SLC9A3: variants seen among roughly 807,000 people sequenced by gnomAD.
The protein encoded by SLC9A3 is sodium/hydrogen exchanger 3.
Under a neutral mutation model 86.8 loss-of-function variants are expected in SLC9A3, and 37 were observed. The observed-to-expected ratio is 0.43, with a 90% CI of 0.33 to 0.56. The LOEUF (loss-of-function observed/expected upper bound fraction) is 0.56, where lower values mean the gene tolerates loss of function less well. Ranked by LOEUF, SLC9A3 falls within the 20% of genes least tolerant of loss-of-function variation. The pLI, the probability that SLC9A3 is intolerant of heterozygous loss-of-function variation, is 0.06. For missense variants in SLC9A3, 1,011 were observed against 1,171.9 expected (o/e 0.86, Z 2.00); for synonymous variants, 581 against 528.3 (o/e 1.10, Z -1.37).
chr5:510,892 C>G (rs575713401), intron 1 of SLC9A3, among the ~76,000 whole-genome samples: 43 of 152,374 alleles, frequency 2.8e-4, no homozygotes, highest in South Asian at 2.5e-3. Context: ...GTGGCTCCCA[C>G]TGTCTCATAG....
rs1234193821 is a variant in SLC9A3 at position 496,236 on chromosome 5, G to A, written c.212-4165C>T. ...CTTTCCCATGTGCGGTGGCGTCCGA[G>A]GGCAGCTCCTGCAGTCTTCAGGGTG... On this transcript the variant is annotated intron_variant, in intron 1 of 16. Transcript: ENST00000264938. This position sits in a 1 kb window ranked among gnomAD's most constrained non-coding sequence, Gnocchi z 4.7. Among the ~76,000 whole-genome samples the A allele has an allele frequency of 6.6e-6, 1 of 152,140 alleles. No individual in the cohort carries two copies. Among genetic ancestry groups the A allele is most frequent in the African/African-American group, 2.4e-5 (1 of 41,456 alleles).
At chr5:488,182 GACGGGAC>G in intron 3 of SLC9A3, 127 bp downstream of exon 3, 1 of 920,216 alleles carries the variant, frequency 1.1e-6, no homozygotes, top group Non-Finnish European at 1.7e-6. Flanking sequence ...GAGGTGGAGG[GACGGGAC>G]GCCCCCGGGA....
At position 476,562 on chromosome 5, in the gene SLC9A3, A is replaced by G; in HGVS notation, c.1871T>C (p.Leu624Pro). The G allele has an allele frequency of 6.2e-7, 1 of 1,611,388 alleles. No individual in the cohort carries two copies. The highest frequency in any genetic ancestry group is 8.5e-7 in the Non-Finnish European group (1 of 1,179,836). Residue 624 changes from leucine (L) to proline (P), a missense_variant, in exon 12 of 17, where the codon CTG becomes CCG. Physicochemically the swap from Leu to Pro is moderately conservative, Grantham distance 98. Coordinates refer to ENST00000264938, the MANE Select transcript of SLC9A3 (RefSeq NM_004174.4). ...MVTHHTLQQYLYKPRQEYKHL... is the reference protein window; with the variant it reads ...MVTHHTLQQYPYKPRQEYKHL... ...GCCCACCTCCTGCCGCGGCTTGTAC[A>G]GGTACTGCTGTAGCGTGTGGTGCGT...
intron 1 of SLC9A3, among the ~76,000 whole-genome samples, chr5:495,162 C>T (rs1262135515): frequency 6.6e-6 from 1 of 152,048 alleles, no homozygotes; most frequent in Non-Finnish European, 1.5e-5. Flanking sequence ...TGGACGCCCT[C>T]ACCCTTGGTG....
At chr5:499,146 C>T (rs577498175) in intron 1 of SLC9A3, among the ~76,000 whole-genome samples, 29 of 152,384 alleles carry the variant, frequency 1.9e-4, no homozygotes, top group African/African-American at 5.3e-4. Context: ...CTGCTCCACA[C>T]GGCTTTTCCC....
rs142560041 is a variant in SLC9A3, at chr5:485,174, C to T, written c.733G>A (p.Val245Met). The T allele has an allele frequency of 1.9e-5, 30 of 1,613,822 alleles. No individual in the cohort carries two copies. Among genetic ancestry groups the T allele is most frequent in the African/African-American group, 1.7e-4 (13 of 75,056 alleles). ...ACACCTATGCCCTTCACGCAGTCCA[C>T]GCCAGTCACGTTGTCACCTCCCAGC... ...VALGGDNVTG[V>M]DCVKGIVSFF... The change falls in exon 4 of 17, where the codon GTG (valine) becomes ATG (methionine). Residue 245 changes from valine to methionine, a missense_variant. By Grantham distance (21) the Val-to-Met change is conservative. Around this residue, in one of 3 missense-constraint regions of SLC9A3, gnomAD observed 565 missense variants for 790.0 expected, o/e 0.72. Coordinates refer to ENST00000264938, the MANE Select transcript of SLC9A3 (RefSeq NM_004174.4).
chr5:477,472 G>A (rs775418423), intron 10 of SLC9A3, 28 bp from the exon 11 acceptor site: 1 of 1,545,322 alleles, frequency 6.5e-7, no homozygotes, highest in Non-Finnish European at 8.9e-7. Flanking sequence ...CCCGGTCAGT[G>A]GCCTGAGCAG....
rs1035764759 is a variant in SLC9A3 at position 471,893 on chromosome 5, C to G, written c.*1486G>C. 4.4e-6 allele frequency: 2 copies of G among 456,494 alleles called. No homozygotes were observed. The highest frequency in any genetic ancestry group is 8.8e-6 in the Non-Finnish European group (2 of 226,938). The allele number at this position is 456,494 out of a possible 1,614,324, so 28.3% of individuals were successfully genotyped here. On this transcript the variant is annotated 3_prime_UTR_variant, in exon 17 of 17. Coordinates refer to ENST00000264938, the MANE Select transcript of SLC9A3 (RefSeq NM_004174.4). ...TTTCCCACCAGGGACTCAATGGGGA[C>G]TCAATGTGCAATATTCAGTCAACAT...
chr5:504,875 G>A (rs866566428), intron 1 of SLC9A3, among the ~76,000 whole-genome samples: 96 of 152,224 alleles, frequency 6.3e-4, no homozygotes, highest in South Asian at 1.7e-3. Context: ...CTCACACCTC[G>A]GCTAGCAAAG....
intron 1 of SLC9A3, among the ~76,000 whole-genome samples, chr5:499,412 C>G (rs1175534764): frequency 6.6e-6 from 1 of 152,252 alleles, no homozygotes; most frequent in Non-Finnish European, 1.5e-5. Flanking sequence ...CAGCCGGGGC[C>G]ACCCCGCTTT....
At chr5:488,545 C>T (rs528658770) in intron 2 of SLC9A3, 69 bp from the exon 3 acceptor site, 43 of 1,416,478 alleles carry the variant, frequency 3.0e-5, no homozygotes, top group South Asian at 2.6e-4. Context: ...CCTGGGGAGG[C>T]GCTCGCCTAC....
chr5:490,772 T>C (rs188023290), intron 2 of SLC9A3, among the ~76,000 whole-genome samples: 110 of 152,334 alleles, frequency 7.2e-4, no homozygotes, highest in African/African-American at 2.4e-3. Flanking sequence ...CCTGACCACC[T>C]ATGGCATCGC....
Position 511,857 on chromosome 5 carries a change from A to C in SLC9A3, c.211+12255T>G, listed in dbSNP as rs551901869. ...TAGCAGCTTTATTCATAATCACCAAAATCACCTGGAAGCAGCTGAGATGTC... is the reference window on the plus strand; with the variant it reads ...TAGCAGCTTTATTCATAATCACCAACATCACCTGGAAGCAGCTGAGATGTC... On this transcript the variant is annotated intron_variant, in intron 1 of 16. Transcript: ENST00000264938. 2.6e-5 allele frequency among the ~76,000 whole-genome samples: 4 copies of C among 152,348 alleles called. No individual in the cohort carries two copies. The South Asian group carries it at 8.3e-4, about 32-fold the overall frequency.
At chr5:476,794 AT>A (rs1256215376) in intron 11 of SLC9A3, 122 bp from the exon 12 acceptor site, 1 of 1,247,084 alleles carries the variant, frequency 8.0e-7, no homozygotes, top group Non-Finnish European at 1.1e-6. Context: ...TCGCCTTCCC[AT>A]GGTGGGCACC....
Position 482,667 on chromosome 5 carries a change from C to T in SLC9A3, c.1237G>A (p.Gly413Ser). ...GCAAAGGCCACGGCCCCGCGCAGGC[C>T]CCCGTAGGACAGGACCACCTGGTCA... ...PIDQVVLSYG[G>S]LRGAVAFALV... Residue 413 changes from glycine to serine, a missense_variant, in exon 7 of 17, where the codon GGC (glycine) becomes AGC (serine). Coordinates refer to ENST00000264938, the MANE Select transcript of SLC9A3 (RefSeq NM_004174.4). 1 of 1,612,580 alleles carries T rather than the reference C, an allele frequency of 6.2e-7. No individual in the cohort carries two copies. The highest frequency in any genetic ancestry group is 8.5e-7 in the Non-Finnish European group (1 of 1,179,854).
chr5:490,987 T>C (rs1739707495), intron 2 of SLC9A3, among the ~76,000 whole-genome samples: 1 of 152,222 alleles, frequency 6.6e-6, no homozygotes, highest in Non-Finnish European at 1.5e-5. Context: ...AGCCCCTTGA[T>C]TCCCATGGAG....
chr5:498,746 G>A (rs1469549848), intron 1 of SLC9A3, among the ~76,000 whole-genome samples: 1 of 152,230 alleles, frequency 6.6e-6, no homozygotes, highest in Admixed American at 6.5e-5. Flanking sequence ...GGAAGGTTCT[G>A]TGGACATTCT....
chr5:515,754 C>T (rs140267125), intron 1 of SLC9A3, among the ~76,000 whole-genome samples: 5,439 of 129,730 alleles, frequency 0.042, 34 homozygotes, highest in African/African-American at 0.055. Context: ...CCCCCTGCCC[C>T]TCACACACAC....
intron 1 of SLC9A3, among the ~76,000 whole-genome samples, chr5:508,573 G>A (rs1356694650): frequency 7.5e-6 from 1 of 133,368 alleles, no homozygotes; most frequent in African/African-American, 2.9e-5. Context: ...AGGCCTCAGC[G>A]CGCCCGGGGA....
Sources: gnomAD v4.1 joint callset for allele counts (sites outside exome capture counted in the v4.1 genomes callset) on GRCh38, gnomAD v4.1.1 for gene constraint, gnomAD v4.1.1 regional missense constraint, Gnocchi (gnomAD v3.1) non-coding constraint, MANE v1.5 for transcripts, NCBI Gene and HGNC (gene_info 2026-07-23, HGNC 2026-07-21) for gene names.